Variants in ZNF273 observed in about 807,000 individuals in gnomAD.
ZNF273 encodes zinc finger protein 273, also known as zinc finger protein 9.
ZNF273 carries 11 observed loss-of-function variants against 14.9 expected under a neutral mutation model. The ratio of observed to expected loss-of-function variants is 0.74; its 90% CI spans 0.46 to 1.22. ZNF273 has a LOEUF of 1.22. ZNF273 is among the 50% of genes most tolerant of loss of function. The pLI, the probability that ZNF273 is intolerant of heterozygous loss-of-function variation, is 0.00. For synonymous variants in ZNF273, 199 were observed against 223.9 expected (o/e 0.89, Z 0.99); for missense variants, 577 against 660.6 (o/e 0.87, Z 1.39).
chr7:64,926,182 TCA>T lies in ZNF273; in HGVS notation c.326-1467_326-1466del, dbSNP rs1490676861. On this transcript the variant is annotated intron_variant, in intron 3 of 3. Coordinates refer to ENST00000476120, the MANE Select transcript of ZNF273 (RefSeq NM_021148.3). ...TTTTTTTTTAAGGACTTTGACTATA[TCA>T]CACAGTTTTTTCTCTGGCCTGCAAA... Among the ~76,000 whole-genome samples, 5 of 129,232 alleles carry T rather than the reference TCA, an allele frequency of 3.9e-5. No individual in the cohort carries two copies. The East Asian group carries it at 1.1e-3, about 29-fold the overall frequency. 84.8% of individuals were successfully genotyped at this position (129,232 alleles called of 152,430 possible). A position where few individuals can be genotyped will look rare whatever the true frequency, so the allele number is the denominator to read the frequency against.
At chr7:64,927,547 C>A in intron 3 of ZNF273, 107 bp from the exon 4 acceptor site, 1 of 925,574 alleles carries the variant, frequency 1.1e-6, no homozygotes, top group Non-Finnish European at 1.6e-6. Flanking sequence ...TGGTATTTTG[C>A]TATACCATCT....
downstream of ZNF273, chr7:64,893,898 G>A (rs541877180): frequency 6.6e-6 from 1 of 152,550 alleles, no homozygotes; most frequent in African/African-American, 2.4e-5. Context: ...ATGAATAAAG[G>A]TAATTAAGCA....
chr7:64,911,140 C>T (rs1029634039), intron 1 of ZNF273, among the ~76,000 whole-genome samples: 1 of 152,012 alleles, frequency 6.6e-6, no homozygotes, highest in Non-Finnish European at 1.5e-5. Context: ...TTATCAAAAG[C>T]TTTCTCTGCA....
intron 3 of ZNF273, among the ~76,000 whole-genome samples, chr7:64,925,448 G>GT (rs1042861305): frequency 6.1e-5 from 9 of 148,286 alleles, no homozygotes; most frequent in African/African-American, 2.4e-4. Flanking sequence ...GTTTGTTTTT[G>GT]TTTTTTTGAG....
chr7:64,928,669 A>G lies in ZNF273; in HGVS notation c.1341A>G (p.Lys447=). 1 of 1,612,620 alleles carries G rather than the reference A, an allele frequency of 6.2e-7. No individual in the cohort carries two copies. Among genetic ancestry groups the G allele is most frequent in the African/African-American group, 1.3e-5 (1 of 74,902 alleles). ...TTAGTGTATTCTCAACCCTTACTAA[A>G]CATAAGATAATTCATACTGGAGCAA... ...KAFSVFSTLT[K]HKIIHTGAKP... is the part of the protein sequence containing the mutation. Residue 447 remains lysine (K), a synonymous_variant, in exon 4 of 4, where the codon AAA becomes AAG. Coordinates refer to ENST00000476120, the MANE Select transcript of ZNF273 (RefSeq NM_021148.3).
At chr7:64,902,813 T>A (rs966528872), upstream of ZNF273, among the ~76,000 whole-genome samples, 1 of 152,146 alleles carries the variant, frequency 6.6e-6, no homozygotes, top group Non-Finnish European at 1.5e-5. Context: ...TCTTTTGAGT[T>A]CCTGATTAGC....
downstream of ZNF273, among the ~76,000 whole-genome samples, chr7:64,880,427 G>A (rs1356496839): frequency 1.3e-5 from 2 of 152,074 alleles, no homozygotes; most frequent in East Asian, 1.9e-4. Context: ...AAGCAGAACC[G>A]CGCTGCCTCA....
At chr7:64,889,241 C>G (rs868115138), downstream of ZNF273, 1 of 985,546 alleles carries the variant, frequency 1.0e-6, no homozygotes, top group African/African-American at 1.7e-5. This position sits in a 1 kb window ranked among gnomAD's most constrained non-coding sequence, Gnocchi z 4.2. Flanking sequence ...GTTCCTTGGC[C>G]CCGCTCCCCG....
At chr7:64,890,466 T>C (rs1407560565), downstream of ZNF273, among the ~76,000 whole-genome samples, 1 of 152,032 alleles carries the variant, frequency 6.6e-6, no homozygotes. Context: ...CCCTCAGCCA[T>C]GGCCAAGGGT....
chr7:64,880,372 C>G (rs1392372238), downstream of ZNF273: 1 of 152,150 alleles, frequency 6.6e-6, no homozygotes. Flanking sequence ...CTACAGCACT[C>G]TTGTATTCCC....
chr7:64,905,946 T>G (rs1247191356), intron 1 of ZNF273, among the ~76,000 whole-genome samples: 1 of 152,188 alleles, frequency 6.6e-6, no homozygotes. Flanking sequence ...GGGAGAGAAA[T>G]AATATCTAAT....
intron 1 of ZNF273, among the ~76,000 whole-genome samples, chr7:64,912,826 G>GTTTTGTTTTTTTTTTTTTTTT (rs746174998): frequency 5.5e-5 from 2 of 36,568 alleles, no homozygotes; most frequent in Non-Finnish European, 1.1e-4. Flanking sequence ...ATTCATTTTA[G>GTTTTGTTTTTTTTTTTTTTTT]TTTTTTTTTT....
chr7:64,936,554 G>T, the ZNF273 span, among the ~76,000 whole-genome samples: 1 of 152,130 alleles, frequency 6.6e-6, no homozygotes, highest in South Asian at 2.1e-4. Flanking sequence ...CCTCAGAAAG[G>T]CTTTTGGTAA....
At chr7:64,898,871 A>G (rs1792517549), upstream of ZNF273, among the ~76,000 whole-genome samples, 8 of 152,340 alleles carry the variant, frequency 5.3e-5, no homozygotes, top group South Asian at 1.7e-3. Flanking sequence ...TACTTACTGA[A>G]TCCGGTCATA....
downstream of ZNF273, chr7:64,888,988 A>G (rs1456636002): frequency 5.1e-6 from 5 of 985,578 alleles, no homozygotes; most frequent in Non-Finnish European, 6.0e-6. Flanking sequence ...CAAGGTTAAT[A>G]AGGGCAAGGG....
At chr7:64,890,275 G>C (rs548757131), downstream of ZNF273, among the ~76,000 whole-genome samples, 2 of 148,024 alleles carry the variant, frequency 1.4e-5, no homozygotes, top group East Asian at 4.0e-4. Flanking sequence ...TGTCTCAGTA[G>C]AGTAGGAGTG....
At chr7:64,937,067 G>A in the ZNF273 span, among the ~76,000 whole-genome samples, 1 of 152,130 alleles carries the variant, frequency 6.6e-6, no homozygotes, top group Non-Finnish European at 1.5e-5. Flanking sequence ...CTAGCCTTTG[G>A]TGAAATATTA....
chr7:64,917,791 A>G (rs1794118516), intron 2 of ZNF273, 84 bp downstream of exon 2: 1 of 1,424,868 alleles, frequency 7.0e-7, no homozygotes, highest in African/African-American at 1.5e-5. Context: ...CTTTGCATAA[A>G]TAAATTTTAG....
At chr7:64,923,413 T>A (rs560926590) in intron 3 of ZNF273, 17 of 454,106 alleles carry the variant, frequency 3.7e-5, no homozygotes, top group African/African-American at 3.4e-4. Context: ...TGATCTTGGG[T>A]TACTGCAACC....
Sources: gnomAD v4.1 joint callset for allele counts (sites outside exome capture counted in the v4.1 genomes callset) on GRCh38, gnomAD v4.1.1 for gene constraint, Gnocchi (gnomAD v3.1) non-coding constraint, MANE v1.5 for transcripts, NCBI Gene and HGNC (gene_info 2026-07-23, HGNC 2026-07-21) for gene names.